COBL: variants seen among roughly 807,000 people sequenced by gnomAD.
COBL encodes protein cordon-bleu.
COBL carries 51 observed loss-of-function variants against 98.8 expected under a neutral mutation model. That is an observed-to-expected ratio of 0.52 (90% CI 0.41 to 0.65). The LOEUF (loss-of-function observed/expected upper bound fraction) is 0.65, where lower values mean the gene tolerates loss of function less well. Among genes scored for constraint, COBL ranks in the 30% least tolerant of loss-of-function variants. COBL has a pLI of 0.00. For synonymous variants in COBL, 634 were observed against 651.7 expected (o/e 0.97, Z 0.41); for missense variants, 1,617 against 1,617.5 (o/e 1.00, Z 0.01).
At chr7:51,217,358 T>TTTTTTTG (rs1793161030) in intron 2 of COBL, among the ~76,000 whole-genome samples, 3 of 149,432 alleles carry the variant, frequency 2.0e-5, no homozygotes, top group Non-Finnish European at 1.5e-5. Context: ...TTTTTTTTTT[T>TTTTTTTG]GAGATGGAGT....
chr7:51,239,783 T>C (rs376447627), intron 1 of COBL, among the ~76,000 whole-genome samples: 6 of 152,302 alleles, frequency 3.9e-5, no homozygotes, highest in African/African-American at 1.4e-4. Flanking sequence ...TTAACGGTCA[T>C]GGTATTTTGC....
At chr7:51,053,846 C>G (rs1441339865) in intron 7 of COBL, among the ~76,000 whole-genome samples, 1 of 152,344 alleles carries the variant, frequency 6.6e-6, no homozygotes, top group South Asian at 2.1e-4. Flanking sequence ...CACTGTTCCT[C>G]TGCAATGCAA....
At chr7:51,087,257 T>C (rs1213394580) in intron 6 of COBL, among the ~76,000 whole-genome samples, 1 of 152,192 alleles carries the variant, frequency 6.6e-6, no homozygotes, top group Non-Finnish European at 1.5e-5. Context: ...TTAGTTATAG[T>C]AGATATCAAA....
intron 6 of COBL, among the ~76,000 whole-genome samples, chr7:51,123,610 T>C (rs1583871285): frequency 6.6e-6 from 1 of 152,216 alleles, no homozygotes; most frequent in African/African-American, 2.4e-5. Flanking sequence ...TCAAGGAGGC[T>C]GTGAATGATG....
intron 7 of COBL, among the ~76,000 whole-genome samples, chr7:51,081,601 ACAGGGAGCC>A (rs1453577675): frequency 3.9e-5 from 6 of 152,150 alleles, no homozygotes; most frequent in Non-Finnish European, 7.3e-5. Context: ...CCCCCAACAC[ACAGGGAGCC>A]CAGGAGAAAG....
intron 6 of COBL, among the ~76,000 whole-genome samples, chr7:51,091,005 G>A: frequency 6.6e-6 from 1 of 152,194 alleles, no homozygotes; most frequent in East Asian, 1.9e-4. Context: ...TCCAGAAAAG[G>A]GTTGAGAGGC....
intron 11 of COBL, 26 bp from the exon 12 acceptor site, chr7:51,025,398 G>A (rs533101523): frequency 7.4e-6 from 12 of 1,610,998 alleles, no homozygotes; most frequent in Admixed American, 1.7e-5. Context: ...TTAAATGACT[G>A]CTATAGAGTG....
At chr7:51,112,274 G>C (rs1796901522) in intron 6 of COBL, among the ~76,000 whole-genome samples, 1 of 152,142 alleles carries the variant, frequency 6.6e-6, no homozygotes, top group African/African-American at 2.4e-5. Flanking sequence ...GATGGAAATT[G>C]TATTGCTCTC....
intron 1 of COBL, among the ~76,000 whole-genome samples, chr7:51,278,860 T>C (rs1030929273): frequency 5.3e-5 from 8 of 152,262 alleles, no homozygotes; most frequent in African/African-American, 1.4e-4. Flanking sequence ...TTCCAGACGA[T>C]TTCAGTTTGG....
intron 1 of COBL, among the ~76,000 whole-genome samples, chr7:51,242,186 A>T (rs1325029938): frequency 1.3e-5 from 2 of 152,182 alleles, no homozygotes; most frequent in Non-Finnish European, 2.9e-5. Context: ...ACTTCACTTC[A>T]GCCTCTGATT....
rs760188162 is a variant in COBL at position 51,026,529 on chromosome 7, G to A, written c.3504+17C>T. On this transcript the variant is annotated intron_variant, in intron 11 of 12. Coordinates refer to ENST00000265136, the MANE Select transcript of COBL (RefSeq NM_015198.5). Reference sequence around the variant, plus strand: ...GGTTTGAGCTCCTGGCGCCATGGAAGGCCCTTCACCTCTTACCTTCCTCAG... The same window carrying A: ...GGTTTGAGCTCCTGGCGCCATGGAAAGCCCTTCACCTCTTACCTTCCTCAG... 6.2e-7 allele frequency: 1 copy of A among 1,612,336 alleles called. No individual in the cohort carries two copies.
At chr7:51,056,606 A>G (rs150517641) in intron 7 of COBL, among the ~76,000 whole-genome samples, 98 of 152,360 alleles carry the variant, frequency 6.4e-4, no homozygotes, top group African/African-American at 2.3e-3. Flanking sequence ...AAGACTGTGA[A>G]GATGACTAAT....
At chr7:51,296,071 G>A (rs549289542) in intron 1 of COBL, among the ~76,000 whole-genome samples, 42 of 152,230 alleles carry the variant, frequency 2.8e-4, no homozygotes, top group African/African-American at 9.9e-4. Context: ...TAACTGCTCC[G>A]CTCCTTCTTT....
At chr7:51,084,890 G>A (rs982838158) in intron 7 of COBL, among the ~76,000 whole-genome samples, 42 of 151,992 alleles carry the variant, frequency 2.8e-4, no homozygotes, top group African/African-American at 9.9e-4. Context: ...ACACTCACAG[G>A]CTTTCCATTT....
intron 8 of COBL, chr7:51,033,118 A>G (rs1562822155): frequency 6.6e-6 from 1 of 152,196 alleles, no homozygotes; most frequent in Non-Finnish European, 1.5e-5. Flanking sequence ...TTTGCAAAAT[A>G]GCAAAACAAA....
chr7:51,043,277 A>G, intron 8 of COBL, 106 bp downstream of exon 8: 1 of 1,118,990 alleles, frequency 8.9e-7, no homozygotes, highest in Non-Finnish European at 1.3e-6. Context: ...CCCCTGGTGC[A>G]GAGCAGGTTG....
chr7:51,054,646 C>T (rs1790559019), intron 7 of COBL, among the ~76,000 whole-genome samples: 1 of 152,184 alleles, frequency 6.6e-6, no homozygotes, highest in Non-Finnish European at 1.5e-5. Flanking sequence ...AAGGGAGGCC[C>T]CAGATGACTA....
chr7:51,112,875 T>C (rs973733114), intron 6 of COBL, among the ~76,000 whole-genome samples: 1 of 152,190 alleles, frequency 6.6e-6, no homozygotes. Flanking sequence ...CTTCAGACAC[T>C]TCTTAGACAA....
intron 6 of COBL, among the ~76,000 whole-genome samples, chr7:51,106,112 G>T (rs554607071): frequency 1.3e-5 from 2 of 151,134 alleles, no homozygotes; most frequent in East Asian, 3.9e-4. Context: ...GCTGAGGCAG[G>T]GGAATTGCTT....
Sources: gnomAD v4.1 joint callset for allele counts (sites outside exome capture counted in the v4.1 genomes callset) on GRCh38, gnomAD v4.1.1 for gene constraint, MANE v1.5 for transcripts, NCBI Gene and HGNC (gene_info 2026-07-23, HGNC 2026-07-21) for gene names.